The following VIPR2 variants were observed in gnomAD, a reference collection of about 807,000 sequenced individuals.
VIPR2 encodes vasoactive intestinal polypeptide receptor 2.
A neutral mutation model predicts 58.0 loss-of-function variants in VIPR2; 48 were observed. The ratio of observed to expected loss-of-function variants is 0.83; its 90% confidence interval spans 0.66 to 1.05. The LOEUF is 1.05. VIPR2 is among the 50% of genes least tolerant of loss of function. The pLI, the probability that VIPR2 is intolerant of heterozygous loss-of-function variation, is 0.00. For missense variants in VIPR2, 534 were observed against 558.0 expected, an observed-to-expected ratio of 0.96 and a Z score of 0.43; for synonymous variants, 243 against 235.2, an observed-to-expected ratio of 1.03 and a Z score of -0.30.
intron 2 of VIPR2, among the ~76,000 whole-genome samples, chr7:159,112,863 G>A (rs950497885): frequency 6.6e-6 from 1 of 151,914 alleles, no homozygotes; most frequent in African/African-American, 2.4e-5. Flanking sequence ...ACTGTGAGGA[G>A]GAGACTCACG....
intron 2 of VIPR2, among the ~76,000 whole-genome samples, chr7:159,112,005 C>T (rs1179297804): frequency 6.6e-6 from 1 of 151,908 alleles, no homozygotes; most frequent in Non-Finnish European, 1.5e-5. Flanking sequence ...AGCGAGACCT[C>T]GTCTCAATAA....
At chr7:159,057,365 G>T (rs960373173) in intron 5 of VIPR2, among the ~76,000 whole-genome samples, 1 of 152,164 alleles carries the variant, frequency 6.6e-6, no homozygotes, top group African/African-American at 2.4e-5. Context: ...TTTTCAAAGT[G>T]CAGCCCTGTA....
intron 2 of VIPR2, among the ~76,000 whole-genome samples, chr7:159,111,176 C>A (rs950417162): frequency 1.4e-4 from 21 of 152,110 alleles, no homozygotes; most frequent in South Asian, 8.3e-4. Context: ...GTGTGTAGGG[C>A]AGGTGGTGGA....
chr7:159,089,423 C>T (rs1585459580), intron 4 of VIPR2, among the ~76,000 whole-genome samples: 1 of 142,478 alleles, frequency 7.0e-6, no homozygotes, highest in East Asian at 2.1e-4. Flanking sequence ...AGCCTCAGGC[C>T]TCGGCTCCTC....
rs975635358 is a variant in VIPR2 at position 159,098,350 on chromosome 7, G to A, written c.357+5407C>T. On this transcript the variant is annotated intron_variant, in intron 4 of 12. Transcript: ENST00000262178. This position sits in a 1 kb window ranked among gnomAD's most constrained non-coding sequence, Gnocchi z 5.2. ...CAAGCGGAGAGGAGCAGCTGTGGAG[G>A]GCAAGGACTGGGGCCATTGCTCCTT... 6.6e-6 allele frequency among the ~76,000 whole-genome samples: 1 copy of A among 152,150 alleles called. No individual in the cohort carries two copies. The highest frequency in any genetic ancestry group is 2.4e-5 in the African/African-American group (1 of 41,436).
chr7:159,079,544 C>T (rs1390982428), intron 4 of VIPR2, among the ~76,000 whole-genome samples: 1 of 152,094 alleles, frequency 6.6e-6, no homozygotes, highest in Non-Finnish European at 1.5e-5. Context: ...GACACCCTAA[C>T]ATCACAAAAG....
chr7:159,036,951 A>T (rs1445877214), intron 6 of VIPR2, 49 bp from the exon 7 acceptor site: 2 of 1,575,238 alleles, frequency 1.3e-6, no homozygotes, highest in Admixed American at 3.4e-5. Flanking sequence ...ATCCGGTAAC[A>T]GCAGCTACCA....
chr7:159,029,898 G>C lies in VIPR2; in HGVS notation c.*718C>G, dbSNP rs1384835363. 6.6e-6 allele frequency: 1 copy of C among 152,314 alleles called. No individual in the cohort carries two copies. The highest frequency in any genetic ancestry group is 1.5e-5 in the Non-Finnish European group (1 of 68,122). The allele number at this position is 152,314 out of a possible 1,614,324, so 9.4% of individuals were successfully genotyped here. On this transcript the variant is annotated 3_prime_UTR_variant, in exon 13 of 13. Transcript: ENST00000262178. Reference sequence around the variant, plus strand: ...TGATTTCTCCTGGTCCTAACGTCAGGGGGGCCCTGACTGGCTTCCCTCTGT... The same window carrying C: ...TGATTTCTCCTGGTCCTAACGTCAGCGGGGCCCTGACTGGCTTCCCTCTGT...
chr7:159,115,847 C>T (rs1462482742), intron 2 of VIPR2, among the ~76,000 whole-genome samples: 1 of 152,266 alleles, frequency 6.6e-6, no homozygotes, highest in Non-Finnish European at 1.5e-5. Flanking sequence ...GATTCCGTTG[C>T]TGCTTCTAGT....
intron 4 of VIPR2, among the ~76,000 whole-genome samples, chr7:159,072,363 C>CA (rs1276586051): frequency 6.6e-6 from 1 of 151,986 alleles, no homozygotes; most frequent in Non-Finnish European, 1.5e-5. Context: ...CAAATAAACT[C>CA]AAAAAATAAA....
intron 2 of VIPR2, among the ~76,000 whole-genome samples, chr7:159,141,069 A>T (rs1387023048): frequency 6.6e-6 from 1 of 152,204 alleles, no homozygotes; most frequent in East Asian, 1.9e-4. Context: ...CAACCCTAAA[A>T]GCCTGTCTCT....
chr7:159,142,683 C>T, intron 1 of VIPR2, 138 bp from the exon 2 acceptor site: 2 of 558,306 alleles, frequency 3.6e-6, no homozygotes, highest in Non-Finnish European at 6.3e-6. Context: ...AAACCAATCA[C>T]CTTGATTTTT....
chr7:159,028,537 G>A lies in VIPR2; in HGVS notation c.*2079C>T, dbSNP rs74392835. On this transcript the variant is annotated 3_prime_UTR_variant, in exon 13 of 13. Transcript: ENST00000262178. ...CCCCTCTGGGTCACAGCTCAGTGTC[G>A]GCACCTGGCCACTGACCCAACACCT... 17,085 of 152,390 alleles carry A rather than the reference G, an allele frequency of 0.11. 1,036 individuals are homozygous for A. Among genetic ancestry groups the A allele is most frequent in the Middle Eastern group, 0.16 (48 of 298 alleles). 9.4% of individuals were successfully genotyped at this position (152,390 alleles called of 1,614,324 possible).
intron 5 of VIPR2, among the ~76,000 whole-genome samples, chr7:159,049,018 AC>A (rs1429426133): frequency 1.3e-5 from 2 of 151,758 alleles, no homozygotes; most frequent in African/African-American, 2.4e-5. Context: ...TCAACATGCC[AC>A]CCCCATTACT....
intron 2 of VIPR2, among the ~76,000 whole-genome samples, chr7:159,124,142 T>G (rs535572024): frequency 2.6e-5 from 4 of 152,338 alleles, no homozygotes; most frequent in African/African-American, 9.6e-5. Context: ...CAGAAGCTCT[T>G]TAGTTTAATT....
chr7:159,043,832 A>C (rs537542275), intron 5 of VIPR2, among the ~76,000 whole-genome samples: 57 of 152,358 alleles, frequency 3.7e-4, no homozygotes, highest in Non-Finnish European at 6.8e-4. Context: ...AGCTGAATGA[A>C]TAAGCTCCCG....
intron 4 of VIPR2, among the ~76,000 whole-genome samples, chr7:159,089,388 G>A (rs1392301949): frequency 7.7e-5 from 3 of 38,846 alleles, no homozygotes; most frequent in East Asian, 8.8e-4. Flanking sequence ...CTCAGGCCTC[G>A]GCTCCTCATC....
intron 4 of VIPR2, among the ~76,000 whole-genome samples, chr7:159,079,020 C>T (rs1010733799): frequency 1.3e-5 from 2 of 152,166 alleles, no homozygotes; most frequent in Non-Finnish European, 2.9e-5. Context: ...TGAGATCCCA[C>T]TTTGAAGCCT....
chr7:159,094,138 G>A (rs892938896), intron 4 of VIPR2, among the ~76,000 whole-genome samples: 2 of 152,162 alleles, frequency 1.3e-5, no homozygotes, highest in Admixed American at 6.5e-5. Context: ...TTCTCCACAG[G>A]GGAGGCTCCT....
Sources: gnomAD v4.1 joint callset for allele counts (sites outside exome capture counted in the v4.1 genomes callset) on GRCh38, gnomAD v4.1.1 for gene constraint, Gnocchi (gnomAD v3.1) non-coding constraint, MANE v1.5 for transcripts, NCBI Gene and HGNC (gene_info 2026-07-23, HGNC 2026-07-21) for gene names.